The following AKAP10 variants were observed in gnomAD, a reference collection of about 807,000 sequenced individuals.
AKAP10 encodes A-kinase anchoring protein 10.
AKAP10 carries 24 observed loss-of-function variants against 80.8 expected under a neutral mutation model. That is an observed-to-expected ratio of 0.30 (90% CI 0.22 to 0.42). AKAP10 has a LOEUF of 0.42. AKAP10 is among the 10% of genes least tolerant of loss of function. The probability of loss-of-function intolerance (pLI) is 1.00; values close to 1 mark genes in which losing one functional copy is unlikely to be tolerated. For synonymous variants in AKAP10, 291 were observed against 277.7 expected (o/e 1.05, Z -0.48); for missense variants, 661 against 794.9 (o/e 0.83, Z 2.03).
Position 19,962,900 on chromosome 17 carries a change from T to C in AKAP10, c.259A>G (p.Arg87Gly). ...GGCTGCTTCTTAAGTGTGGCTGTCC[T>C]GCTACTTGAAAAGGAGTCCATGTTG... is the stretch of plus-strand genomic sequence containing the variant. The part of the protein sequence containing the change: ...SANMDSFSSS[R>G]TATLKKQPSH... Residue 87 changes from arginine to glycine, a missense_variant, in exon 3 of 15, where the codon AGG (arginine) becomes GGG (glycine). Coordinates refer to ENST00000225737, the MANE Select transcript of AKAP10 (RefSeq NM_007202.4). 6.2e-7 allele frequency: 1 copy of C among 1,614,150 alleles called. No individual in the cohort carries two copies. The highest frequency in any genetic ancestry group is 8.5e-7 in the Non-Finnish European group (1 of 1,179,986).
intron 9 of AKAP10, among the ~76,000 whole-genome samples, chr17:19,932,450 A>T (rs933022197): frequency 1.5e-3 from 150 of 101,802 alleles, no homozygotes; most frequent in African/African-American, 4.2e-3. Flanking sequence ...AAGACTGTCT[A>T]AAAAAAAAAA....
intron 4 of AKAP10, among the ~76,000 whole-genome samples, chr17:19,956,428 T>A (rs1253959024): frequency 1.3e-5 from 2 of 151,978 alleles, no homozygotes; most frequent in Non-Finnish European, 2.9e-5. Context: ...AAACTGTAGA[T>A]AGCAGAATTA....
chr17:19,937,517 A>G (rs1255636274), intron 8 of AKAP10, among the ~76,000 whole-genome samples: 1 of 152,146 alleles, frequency 6.6e-6, no homozygotes, highest in African/African-American at 2.4e-5. Context: ...ATAAAAAAGA[A>G]GAAAAAAAAG....
chr17:19,921,432 A>C lies in AKAP10; in HGVS notation c.1752-1314T>G, dbSNP rs376548398. Among the ~76,000 whole-genome samples the C allele has an allele frequency of 3.9e-4, 59 of 152,200 alleles. No homozygotes were observed. In the East Asian group the frequency reaches 9.7e-3, roughly 25 times the overall value. ...CGGCCTCCCAAAGTGCTGGGATTAC[A>C]GGCGTGAGCCACTGTGTCCAGCCAA... On this transcript the variant is annotated intron_variant, in intron 11 of 14. Coordinates refer to ENST00000225737, the MANE Select transcript of AKAP10 (RefSeq NM_007202.4).
intron 12 of AKAP10, among the ~76,000 whole-genome samples, chr17:19,915,489 T>C (rs749346312): frequency 2.0e-5 from 3 of 152,172 alleles, no homozygotes; most frequent in Non-Finnish European, 2.9e-5. Context: ...GCCTTTTGGG[T>C]GAATAAATTC....
chr17:19,916,885 C>T (rs1381227866), intron 12 of AKAP10, among the ~76,000 whole-genome samples: 8 of 151,034 alleles, frequency 5.3e-5, no homozygotes, highest in South Asian at 2.1e-4. Context: ...TGCAGTGAGC[C>T]GACATCGTGC....
chr17:19,918,240 A>G (rs1194175363), intron 12 of AKAP10, among the ~76,000 whole-genome samples: 2 of 151,240 alleles, frequency 1.3e-5, no homozygotes, highest in African/African-American at 4.9e-5. Flanking sequence ...AAAAAAAAAA[A>G]AAGAAAATAA....
chr17:19,965,079 T>TACTGTATCACTGTATC (rs2043400483), intron 2 of AKAP10, among the ~76,000 whole-genome samples: 1 of 152,236 alleles, frequency 6.6e-6, no homozygotes, highest in Non-Finnish European at 1.5e-5. Flanking sequence ...TATCACTGAT[T>TACTGTATCACTGTATC]ACTCGCTACT....
At position 19,905,895 on chromosome 17, in the gene AKAP10, C is replaced by T. The variant is rs1013539533; in HGVS notation, c.*332G>A. ...TATCAGTTCTATGCTTATCTGCTTC[C>T]CAGAGGATGTGGTCCCTGTCTATTC... is the stretch of plus-strand genomic sequence containing the variant. On this transcript the variant is annotated 3_prime_UTR_variant, in exon 15 of 15. Coordinates refer to ENST00000225737, the MANE Select transcript of AKAP10 (RefSeq NM_007202.4). 2 of 285,726 alleles carry T rather than the reference C, an allele frequency of 7.0e-6. No homozygotes were observed. The highest frequency in any genetic ancestry group is 4.4e-5 in the Admixed American group (1 of 22,522). 17.7% of individuals were successfully genotyped at this position (285,726 alleles called of 1,614,324 possible).
At chr17:19,913,721 G>C (rs957071928) in intron 12 of AKAP10, among the ~76,000 whole-genome samples, 1 of 152,160 alleles carries the variant, frequency 6.6e-6, no homozygotes, top group African/African-American at 2.4e-5. Flanking sequence ...GAGTATCCTC[G>C]GAAGTAATCT....
chr17:19,966,066 C>A (rs912208852), intron 2 of AKAP10, among the ~76,000 whole-genome samples: 27 of 152,104 alleles, frequency 1.8e-4, no homozygotes, highest in Non-Finnish European at 2.6e-4. Context: ...TGGTTTAAAA[C>A]TCAGACCTTA....
At chr17:19,936,898 T>C (rs1474175603) in intron 8 of AKAP10, among the ~76,000 whole-genome samples, 8 of 152,026 alleles carry the variant, frequency 5.3e-5, no homozygotes, top group Non-Finnish European at 1.2e-4. Flanking sequence ...GGAGTAAACA[T>C]GTACAAATTC....
At chr17:19,946,528 C>A (rs1212990291) in intron 5 of AKAP10, among the ~76,000 whole-genome samples, 2 of 150,094 alleles carry the variant, frequency 1.3e-5, no homozygotes, top group Non-Finnish European at 3.0e-5. Context: ...ATGAGTCTAT[C>A]CATAAAAAGT....
chr17:19,913,574 A>G (rs2152409886), intron 12 of AKAP10, among the ~76,000 whole-genome samples: 3 of 152,334 alleles, frequency 2.0e-5, no homozygotes, highest in Middle Eastern at 6.8e-3. Flanking sequence ...GGTGAGAGCC[A>G]CTGTGCCCAG....
intron 9 of AKAP10, among the ~76,000 whole-genome samples, chr17:19,935,821 T>A (rs1448533332): frequency 6.6e-6 from 1 of 152,122 alleles, no homozygotes; most frequent in Non-Finnish European, 1.5e-5. Flanking sequence ...CTGAAGGACC[T>A]GTCTGAAGCT....
At chr17:19,944,815 T>C (rs1431272509) in intron 5 of AKAP10, among the ~76,000 whole-genome samples, 3 of 152,344 alleles carry the variant, frequency 2.0e-5, no homozygotes, top group Middle Eastern at 3.4e-3. Flanking sequence ...AAGGAGGTAG[T>C]GCAAGTATAG....
At chr17:19,914,534 C>T (rs953864547) in intron 12 of AKAP10, among the ~76,000 whole-genome samples, 19 of 144,906 alleles carry the variant, frequency 1.3e-4, no homozygotes, top group Non-Finnish European at 3.0e-5. Flanking sequence ...TCCAGCTACT[C>T]GAGAGGCTGA....
rs144450863 is a variant in AKAP10 at position 19,912,307 on chromosome 17, C to T, written c.1835-2329G>A. Among the ~76,000 whole-genome samples, 577 of 152,206 alleles carry T rather than the reference C, an allele frequency of 3.8e-3. 2 individuals carry two copies. Among genetic ancestry groups the T allele is most frequent in the South Asian group, 0.025 (119 of 4,822 alleles). On this transcript the variant is annotated intron_variant, in intron 12 of 14. Coordinates refer to ENST00000225737, the MANE Select transcript of AKAP10 (RefSeq NM_007202.4). ...ATCCCAGCACTTTGGGAAACTGAGA[C>T]GAGTAGATCACCTGAGATCAGGAGT...
At chr17:19,959,644 A>C (rs2043325191) in intron 3 of AKAP10, among the ~76,000 whole-genome samples, 1 of 152,190 alleles carries the variant, frequency 6.6e-6, no homozygotes, top group African/African-American at 2.4e-5. Context: ...ACCACAAGCT[A>C]ATTGTTAGGA....
Sources: gnomAD v4.1 joint callset for allele counts (sites outside exome capture counted in the v4.1 genomes callset) on GRCh38, gnomAD v4.1.1 for gene constraint, MANE v1.5 for transcripts, NCBI Gene and HGNC (gene_info 2026-07-23, HGNC 2026-07-21) for gene names.